Variants in CELF4 observed in about 807,000 individuals in gnomAD.
CELF4 encodes CUG-BP- and ETR-3-like factor 4.
A neutral mutation model predicts 59.9 loss-of-function variants in CELF4; 18 were observed. The ratio of observed to expected loss-of-function variants is 0.30; its 90% confidence interval spans 0.21 to 0.45. The LOEUF (loss-of-function observed/expected upper bound fraction) is 0.45. CELF4 is among the 20% of genes least tolerant of loss of function. The pLI is 1.00. For synonymous variants in CELF4, 261 were observed against 267.1 expected, an observed-to-expected ratio of 0.98 and a Z score of 0.22; for missense variants, 456 against 689.0, an observed-to-expected ratio of 0.66 and a Z score of 3.79.
At position 37,535,632 on chromosome 18, in the gene CELF4, G is replaced by A. The variant is rs184070857; in HGVS notation, c.286+29724C>T. On this transcript the variant is annotated intron_variant, in intron 1 of 12. Transcript: ENST00000420428. ...TAATACACGTGTATTACTTAAGAGC[G>A]TTTATATGTACTGTGAGCTCCGAAG... 4.6e-5 allele frequency among the ~76,000 whole-genome samples: 7 copies of A among 152,264 alleles called. No individual in the cohort carries two copies. In the East Asian group the frequency reaches 7.7e-4, roughly 17 times the overall value.
At chr18:37,496,770 C>T (rs751127214) in intron 1 of CELF4, among the ~76,000 whole-genome samples, 4 of 152,304 alleles carry the variant, frequency 2.6e-5, no homozygotes, top group Admixed American at 1.3e-4. Flanking sequence ...CTGTTCTGGC[C>T]GGGCTTTGGG....
In CELF4 at chr18:37,525,204, G is replaced by C. The variant is rs532360273; in HGVS notation, c.287-39597C>G. On this transcript the variant is annotated intron_variant, in intron 1 of 12. Coordinates refer to ENST00000420428, the MANE Select transcript of CELF4 (RefSeq NM_020180.4). Reference sequence around the variant, plus strand: ...ACTGCGCTGGCCCGGCTGGAGGGACGGTGGCCTGTCGCTCTCTTCAGAGGC... The same window carrying C: ...ACTGCGCTGGCCCGGCTGGAGGGACCGTGGCCTGTCGCTCTCTTCAGAGGC... Among the ~76,000 whole-genome samples, 8 of 152,268 alleles carry C rather than the reference G, an allele frequency of 5.3e-5. No individual in the cohort carries two copies. In the East Asian group the frequency reaches 1.5e-3, roughly 29 times the overall value.
At chr18:37,338,540 G>T (rs1029493308) in intron 2 of CELF4, among the ~76,000 whole-genome samples, 1 of 152,150 alleles carries the variant, frequency 6.6e-6, no homozygotes, top group Admixed American at 6.5e-5. Context: ...GGTGGCGGGG[G>T]GGCTGTTCTG....
intron 2 of CELF4, among the ~76,000 whole-genome samples, chr18:37,333,784 GCATCCATC>G (rs59559131): frequency 2.7e-5 from 4 of 150,128 alleles, no homozygotes; most frequent in African/African-American, 4.9e-5. Context: ...CTCCATCCAT[GCATCCATC>G]CATCCATCCA....
intron 1 of CELF4, among the ~76,000 whole-genome samples, chr18:37,509,214 C>T (rs2099941524): frequency 1.3e-5 from 2 of 152,220 alleles, no homozygotes. Flanking sequence ...GCACCTGCAA[C>T]CACTTATCTA....
intron 2 of CELF4, among the ~76,000 whole-genome samples, chr18:37,408,080 T>C (rs1222803698): frequency 1.3e-5 from 2 of 152,088 alleles, no homozygotes; most frequent in African/African-American, 4.8e-5. Context: ...AGGCAGAAAG[T>C]GGAATTTGGA....
chr18:37,334,248 C>T (rs1485936245), intron 2 of CELF4, among the ~76,000 whole-genome samples: 1 of 152,232 alleles, frequency 6.6e-6, no homozygotes, highest in African/African-American at 2.4e-5. Flanking sequence ...CAGCGCCCCA[C>T]TGGGCAACTC....
chr18:37,272,061 C>T (rs1320165568), intron 7 of CELF4, among the ~76,000 whole-genome samples: 1 of 152,146 alleles, frequency 6.6e-6, no homozygotes, highest in Admixed American at 6.5e-5. Context: ...AGAGATGGCA[C>T]AGTCTTTTTG....
intron 2 of CELF4, among the ~76,000 whole-genome samples, chr18:37,427,401 A>G (rs1300844915): frequency 6.6e-6 from 1 of 152,132 alleles, no homozygotes; most frequent in Non-Finnish European, 1.5e-5. Context: ...CCAGGGCTGC[A>G]TGGGGGATTT....
At chr18:37,338,888 G>A (rs1305806413) in intron 2 of CELF4, among the ~76,000 whole-genome samples, 1 of 151,858 alleles carries the variant, frequency 6.6e-6, no homozygotes, top group South Asian at 2.1e-4. Flanking sequence ...CCAGCTTGAC[G>A]TCCTTTTTCT....
intron 2 of CELF4, among the ~76,000 whole-genome samples, chr18:37,456,404 G>A (rs1215219471): frequency 2.0e-5 from 3 of 152,104 alleles, no homozygotes; most frequent in African/African-American, 7.2e-5. Context: ...TATGGATTGA[G>A]GAGTGAGGCT....
chr18:37,539,896 G>A (rs56086501), intron 1 of CELF4, among the ~76,000 whole-genome samples: 9,746 of 152,322 alleles, frequency 0.064, 612 homozygotes, highest in Admixed American at 0.19. Flanking sequence ...GATGGAGAGA[G>A]GTGATGATCA....
At chr18:37,330,560 T>C (rs2097502624) in intron 2 of CELF4, among the ~76,000 whole-genome samples, 1 of 152,242 alleles carries the variant, frequency 6.6e-6, no homozygotes, top group African/African-American at 2.4e-5. Flanking sequence ...TCAGCAGTGA[T>C]TTCAGAGACA....
At chr18:37,319,696 A>G (rs754124576) in intron 3 of CELF4, among the ~76,000 whole-genome samples, 9 of 152,230 alleles carry the variant, frequency 5.9e-5, no homozygotes, top group Non-Finnish European at 1.2e-4. Context: ...CACCTGCTCG[A>G]CATTTTGCCC....
intron 2 of CELF4, among the ~76,000 whole-genome samples, chr18:37,431,648 C>T (rs181100851): frequency 4.1e-4 from 62 of 152,318 alleles, no homozygotes; most frequent in African/African-American, 1.1e-3. Context: ...GGATTACAGG[C>T]GTGAGCCACT....
At position 37,254,447 on chromosome 18, in the gene CELF4, C is replaced by G. The variant is rs2067826956; in HGVS notation, c.1334-509G>C. Among the ~76,000 whole-genome samples, 1 of 151,944 alleles carries G rather than the reference C, an allele frequency of 6.6e-6. No homozygotes were observed. The highest frequency in any genetic ancestry group is 1.5e-5 in the Non-Finnish European group (1 of 67,926). ...CGCCGCCGAGAAACTTCTCCACCGC[C>G]GGCCCGGCCGCCCCCCTCGCCACCG... On this transcript the variant is annotated intron_variant, in intron 11 of 12. Coordinates refer to ENST00000420428, the MANE Select transcript of CELF4 (RefSeq NM_020180.4). The surrounding 1 kb of genome is among the most constrained non-coding windows in gnomAD (Gnocchi z 5.1).
chr18:37,429,061 C>CGTATCTTG, intron 2 of CELF4, among the ~76,000 whole-genome samples: 1 of 152,246 alleles, frequency 6.6e-6, no homozygotes, highest in East Asian at 1.9e-4. Flanking sequence ...TCTCTGCTGC[C>CGTATCTTG]GTATCTTGGT....
At chr18:37,475,730 C>T (rs2099846998) in intron 2 of CELF4, among the ~76,000 whole-genome samples, 1 of 152,172 alleles carries the variant, frequency 6.6e-6, no homozygotes, top group Non-Finnish European at 1.5e-5. Flanking sequence ...GGGCTAGAGG[C>T]TCTGAAGCAC....
chr18:37,257,085 G>A (rs1786064), intron 11 of CELF4, among the ~76,000 whole-genome samples: 65,745 of 150,806 alleles, frequency 0.44, 16,727 homozygotes, highest in African/African-American at 0.72. Flanking sequence ...TAATTAGAGA[G>A]AAAAAAAAAC....
Sources: allele counts gnomAD v4.1 joint callset (sites outside exome capture counted in the v4.1 genomes callset), GRCh38; gene constraint gnomAD v4.1.1; non-coding constraint Gnocchi (gnomAD v3.1); transcripts MANE v1.5; gene names NCBI Gene and HGNC (gene_info 2026-07-23, HGNC 2026-07-21).